Variants in DKK2 observed in about 807,000 individuals in gnomAD.
The protein encoded by DKK2 is dickkopf-related protein 2.
DKK2 carries 11 observed loss-of-function variants against 28.1 expected under a neutral mutation model. The ratio of observed to expected loss-of-function variants is 0.39; its 90% CI spans 0.25 to 0.65. The LOEUF is 0.65. DKK2 is among the 30% of genes least tolerant of loss of function. The probability of loss-of-function intolerance (pLI) is 0.47; values close to 1 mark genes in which losing one functional copy is unlikely to be tolerated. For missense variants in DKK2, 326 were observed against 335.5 expected, an observed-to-expected ratio of 0.97 and a Z score of 0.22; for synonymous variants, 135 against 126.5, an observed-to-expected ratio of 1.07 and a Z score of -0.45.
At chr4:106,954,013 G>A (rs907412152) in intron 1 of DKK2, among the ~76,000 whole-genome samples, 7 of 152,106 alleles carry the variant, frequency 4.6e-5, no homozygotes, top group Admixed American at 1.3e-4. Context: ...AATACACAGT[G>A]AGTATAATAA....
intron 1 of DKK2, among the ~76,000 whole-genome samples, chr4:107,012,630 A>G (rs1723532987): frequency 6.6e-6 from 1 of 151,310 alleles, no homozygotes; most frequent in African/African-American, 2.4e-5. Context: ...AAGTGTGAGA[A>G]TGGGAAAGGG....
chr4:106,950,270 A>G (rs915693541), intron 1 of DKK2, among the ~76,000 whole-genome samples: 1 of 152,128 alleles, frequency 6.6e-6, no homozygotes, highest in African/African-American at 2.4e-5. Flanking sequence ...AGCAATTCTA[A>G]TTTCCCTTCT....
chr4:107,031,547 G>T (rs533201990), intron 1 of DKK2, among the ~76,000 whole-genome samples: 1 of 152,062 alleles, frequency 6.6e-6, no homozygotes, highest in Non-Finnish European at 1.5e-5. Flanking sequence ...AAGTGTCCCA[G>T]TCATATCAGA....
intron 1 of DKK2, among the ~76,000 whole-genome samples, chr4:106,950,819 A>G (rs1384448257): frequency 6.6e-6 from 1 of 152,178 alleles, no homozygotes; most frequent in African/African-American, 2.4e-5. Flanking sequence ...AAGTGTACAC[A>G]TTGCTAAATT....
intron 1 of DKK2, among the ~76,000 whole-genome samples, chr4:106,988,007 G>A (rs1258082814): frequency 6.6e-6 from 1 of 151,922 alleles, no homozygotes; most frequent in Admixed American, 6.6e-5. Context: ...TGGGACTATA[G>A]GCACCCACCA....
rs1232645643 is a variant in DKK2, at chr4:106,937,930, C to G, written c.223-11981G>C. ...GTTCTTTGAAACCAACGAGAACAAA[C>G]ACACAACATACCAGAATCTCTGGGA... On this transcript the variant is annotated intron_variant, in intron 1 of 3. Coordinates refer to ENST00000285311, the MANE Select transcript of DKK2 (RefSeq NM_014421.3). Among the ~76,000 whole-genome samples the G allele has an allele frequency of 4.0e-5, 6 of 149,784 alleles. 1 individual carries two copies. Among genetic ancestry groups the G allele is most frequent in the South Asian group, 4.3e-4 (2 of 4,620 alleles).
At chr4:106,979,022 G>A (rs1281636859) in intron 1 of DKK2, among the ~76,000 whole-genome samples, 3 of 151,934 alleles carry the variant, frequency 2.0e-5, no homozygotes, top group Admixed American at 1.3e-4. Flanking sequence ...GGAGTTCCCC[G>A]ACCTGTATTA....
chr4:106,959,788 A>G (rs1369880022), intron 1 of DKK2, among the ~76,000 whole-genome samples: 1 of 152,106 alleles, frequency 6.6e-6, no homozygotes, highest in Non-Finnish European at 1.5e-5. Flanking sequence ...TGTGAAACCT[A>G]GTTGCCTTTC....
intron 1 of DKK2, among the ~76,000 whole-genome samples, chr4:106,955,869 C>T (rs1352823415): frequency 6.6e-6 from 1 of 152,156 alleles, no homozygotes; most frequent in African/African-American, 2.4e-5. Context: ...CTCTCACGCC[C>T]TCCTCCTGCA....
chr4:107,000,977 A>G (rs1723351297), intron 1 of DKK2, among the ~76,000 whole-genome samples: 1 of 152,064 alleles, frequency 6.6e-6, no homozygotes, highest in South Asian at 2.1e-4. Flanking sequence ...GGAGGGAAAA[A>G]CTAAGGATGA....
Position 106,934,901 on chromosome 4 carries a change from G to A in DKK2, c.223-8952C>T, listed in dbSNP as rs572936039. 5.9e-5 allele frequency among the ~76,000 whole-genome samples: 9 copies of A among 152,220 alleles called. No homozygotes were observed. The South Asian group carries it at 1.9e-3, about 32-fold the overall frequency. On this transcript the variant is annotated intron_variant, in intron 1 of 3. Coordinates refer to ENST00000285311, the MANE Select transcript of DKK2 (RefSeq NM_014421.3). Reference sequence around the variant, plus strand: ...AATTTTTGCTTAAAAATTATAAAATGTTCCCATTTTAATGTAGAACCTATA... The same window carrying A: ...AATTTTTGCTTAAAAATTATAAAATATTCCCATTTTAATGTAGAACCTATA...
chr4:107,011,364 ATAT>A, intron 1 of DKK2, among the ~76,000 whole-genome samples: 1 of 151,648 alleles, frequency 6.6e-6, no homozygotes, highest in East Asian at 1.9e-4. Flanking sequence ...ATGGCAACAA[ATAT>A]TATGAGTTGA....
At position 106,929,917 on chromosome 4, in the gene DKK2, A is replaced by G. The variant is rs373006395; in HGVS notation, c.223-3968T>C. The stretch of plus-strand genomic sequence containing the variant: ...CTTCCCTGGCGTTCAGGCCTCAGAT[A>G]TCATTACTAAGAGCAATTAATAGTG... On this transcript the variant is annotated intron_variant, in intron 1 of 3. Coordinates refer to ENST00000285311, the MANE Select transcript of DKK2 (RefSeq NM_014421.3). Among the ~76,000 whole-genome samples, 37 of 152,310 alleles carry G rather than the reference A, an allele frequency of 2.4e-4. 1 individual carries two copies. The East Asian group carries it at 4.8e-3, about 20-fold the overall frequency.
chr4:106,993,992 T>C (rs1281686143), intron 1 of DKK2, among the ~76,000 whole-genome samples: 1 of 152,158 alleles, frequency 6.6e-6, no homozygotes, highest in Non-Finnish European at 1.5e-5. Context: ...AACAAAGATA[T>C]TAACTTGGAA....
intron 1 of DKK2, among the ~76,000 whole-genome samples, chr4:106,995,521 T>C (rs1371927171): frequency 6.6e-6 from 1 of 152,226 alleles, no homozygotes. Flanking sequence ...CTCACTAATA[T>C]GAATTACATA....
chr4:106,932,167 A>G (rs1403717051), intron 1 of DKK2, among the ~76,000 whole-genome samples: 2 of 152,184 alleles, frequency 1.3e-5, no homozygotes, highest in Non-Finnish European at 2.9e-5. Flanking sequence ...ACACATGTTC[A>G]TTTTAAGGCT....
At chr4:107,032,617 CAAG>C (rs1335773220) in intron 1 of DKK2, among the ~76,000 whole-genome samples, 2 of 151,992 alleles carry the variant, frequency 1.3e-5, no homozygotes. Flanking sequence ...GAAAGAACAC[CAAG>C]GACTGAGTTT....
intron 1 of DKK2, among the ~76,000 whole-genome samples, chr4:107,009,401 C>T (rs553513489): frequency 6.6e-6 from 1 of 151,958 alleles, no homozygotes; most frequent in Non-Finnish European, 1.5e-5. Flanking sequence ...AAACTTGGCA[C>T]AGCCGAGTGA....
At chr4:106,941,322 T>C (rs1198808298) in intron 1 of DKK2, among the ~76,000 whole-genome samples, 1 of 152,074 alleles carries the variant, frequency 6.6e-6, no homozygotes, top group Non-Finnish European at 1.5e-5. Context: ...GCAAGTTATA[T>C]TTGCAACAGG....
Sources: allele counts gnomAD v4.1 joint callset (sites outside exome capture counted in the v4.1 genomes callset), GRCh38; gene constraint gnomAD v4.1.1; transcripts MANE v1.5; gene names NCBI Gene and HGNC (gene_info 2026-07-23, HGNC 2026-07-21).